TNFSF4: variants seen among roughly 807,000 people sequenced by gnomAD.
TNFSF4 encodes TNF superfamily member 4, also known as tumor necrosis factor ligand superfamily member 4.
In TNFSF4, 4 loss-of-function variants were observed where a neutral mutation model predicts 7.3. The ratio of observed to expected loss-of-function variants is 0.55; its 90% confidence interval spans 0.27 to 1.25. The LOEUF is 1.25. TNFSF4 is among the 50% of genes most tolerant of loss of function. TNFSF4 has a pLI of 0.12. For missense variants in TNFSF4, 181 were observed against 208.8 expected, an observed-to-expected ratio of 0.87 and a Z score of 0.82; for synonymous variants, 76 against 83.7, an observed-to-expected ratio of 0.91 and a Z score of 0.50.
At chr1:173,255,169 C>A in the TNFSF4 span, among the ~76,000 whole-genome samples, 1 of 152,158 alleles carries the variant, frequency 6.6e-6, no homozygotes, top group African/African-American at 2.4e-5. Context: ...CTGCTTGTAA[C>A]AAGGGTCAAA....
the TNFSF4 span, among the ~76,000 whole-genome samples, chr1:173,305,514 T>C: frequency 2.0e-5 from 3 of 151,794 alleles, no homozygotes; most frequent in East Asian, 1.9e-4. Flanking sequence ...GACTGAGAAA[T>C]TGGATCATTC....
the TNFSF4 span, among the ~76,000 whole-genome samples, chr1:173,228,011 C>T: frequency 1.7e-3 from 252 of 152,278 alleles, 5 homozygotes; most frequent in Admixed American, 0.012. Context: ...CCTCTGGGGG[C>T]GGGGCATAGC....
intron 1 of TNFSF4, 112 bp downstream of exon 1, chr1:173,206,912 A>T: frequency 7.7e-7 from 1 of 1,294,662 alleles, no homozygotes; most frequent in Non-Finnish European, 1.0e-6. Context: ...GGGAGAGGGA[A>T]AAAAAACTCA....
the TNFSF4 span, among the ~76,000 whole-genome samples, chr1:173,361,974 G>C: frequency 1.0e-3 from 157 of 152,286 alleles, no homozygotes; most frequent in African/African-American, 3.6e-3. Flanking sequence ...TCAATTCCAA[G>C]AGGGCCATAT....
At chr1:173,398,356 A>G in the TNFSF4 span, among the ~76,000 whole-genome samples, 1 of 151,674 alleles carries the variant, frequency 6.6e-6, no homozygotes, top group Non-Finnish European at 1.5e-5. Flanking sequence ...CAGAGGATGG[A>G]AAATAAATTC....
the TNFSF4 span, among the ~76,000 whole-genome samples, chr1:173,411,885 C>T: frequency 2.0e-5 from 3 of 151,814 alleles, no homozygotes; most frequent in South Asian, 2.1e-4. Flanking sequence ...TTTGGGAGGA[C>T]GAGGCGGGCA....
chr1:173,178,499 G>T, the TNFSF4 span, among the ~76,000 whole-genome samples: 1 of 152,102 alleles, frequency 6.6e-6, no homozygotes, highest in Admixed American at 6.5e-5. Flanking sequence ...GCGGGAACCC[G>T]GGAAGCAGAG....
chr1:173,300,132 T>C, the TNFSF4 span, among the ~76,000 whole-genome samples: 9 of 113,036 alleles, frequency 8.0e-5, no homozygotes, highest in Non-Finnish European at 1.4e-4. Context: ...GATAGATAGA[T>C]AGATAGATAA....
chr1:173,235,219 T>C, the TNFSF4 span, among the ~76,000 whole-genome samples: 5 of 152,182 alleles, frequency 3.3e-5, no homozygotes, highest in Non-Finnish European at 5.9e-5. Context: ...TTAGTTCAGC[T>C]AAAATCTGGT....
chr1:173,257,359 T>A, the TNFSF4 span, among the ~76,000 whole-genome samples: 32,528 of 152,128 alleles, frequency 0.21, 3,819 homozygotes, highest in Admixed American at 0.32. Context: ...GAAATAGGAA[T>A]GGACATTTCA....
the TNFSF4 span, among the ~76,000 whole-genome samples, chr1:173,174,916 TG>T: frequency 6.6e-6 from 1 of 152,238 alleles, no homozygotes; most frequent in African/African-American, 2.4e-5. Flanking sequence ...CTGTCCCACT[TG>T]GTAATAATGT....
At chr1:173,259,603 C>T in the TNFSF4 span, among the ~76,000 whole-genome samples, 2 of 152,120 alleles carry the variant, frequency 1.3e-5, no homozygotes, top group Non-Finnish European at 2.9e-5. Context: ...CATGATAAAA[C>T]AATATGGGAG....
At chr1:173,333,520 T>C in the TNFSF4 span, among the ~76,000 whole-genome samples, 1 of 152,064 alleles carries the variant, frequency 6.6e-6, no homozygotes, top group Admixed American at 6.6e-5. Context: ...TGAGAGGTTA[T>C]TAAATGAGAT....
intron 1 of TNFSF4, chr1:173,205,771 C>T (rs1650161954): frequency 5.8e-6 from 1 of 172,928 alleles, no homozygotes; most frequent in Non-Finnish European, 1.2e-5. Flanking sequence ...CCCACACCCT[C>T]TCCCCGAGTC....
At chr1:173,287,707 C>A in the TNFSF4 span, among the ~76,000 whole-genome samples, 4 of 152,104 alleles carry the variant, frequency 2.6e-5, no homozygotes, top group African/African-American at 9.7e-5. Flanking sequence ...GAAAAATTCA[C>A]ACAATGGAAT....
the TNFSF4 span, among the ~76,000 whole-genome samples, chr1:173,325,022 C>A: frequency 1.7e-3 from 261 of 152,338 alleles, 2 homozygotes; most frequent in African/African-American, 5.9e-3. Context: ...ACCTAAGAGA[C>A]ATCTACAGAA....
the TNFSF4 span, among the ~76,000 whole-genome samples, chr1:173,434,980 G>A: frequency 6.6e-6 from 1 of 152,152 alleles, no homozygotes; most frequent in African/African-American, 2.4e-5. Flanking sequence ...CTGGAGTGCT[G>A]GGCATGAATA....
chr1:173,264,139 T>A, the TNFSF4 span, among the ~76,000 whole-genome samples: 2 of 152,134 alleles, frequency 1.3e-5, no homozygotes, highest in East Asian at 1.9e-4. Context: ...ATAAAATTTT[T>A]AAAAAATATT....
At chr1:173,268,906 G>A in the TNFSF4 span, among the ~76,000 whole-genome samples, 2 of 152,074 alleles carry the variant, frequency 1.3e-5, no homozygotes, top group Non-Finnish European at 2.9e-5. Flanking sequence ...ATGATATTAT[G>A]CACCTACCAT....
Sources: gnomAD v4.1 joint callset for allele counts (sites outside exome capture counted in the v4.1 genomes callset) on GRCh38, gnomAD v4.1.1 for gene constraint, MANE v1.5 for transcripts, NCBI Gene and HGNC (gene_info 2026-07-23, HGNC 2026-07-21) for gene names.